Variants in PCDHA3 observed in about 807,000 individuals in gnomAD.
PCDHA3 encodes the protein protocadherin alpha 3, also known as protocadherin alpha-3.
A neutral mutation model predicts 62.2 loss-of-function variants in PCDHA3; 41 were observed. That is an observed-to-expected ratio of 0.66 (90% CI 0.51 to 0.86). The LOEUF is 0.86. Ranked by LOEUF, PCDHA3 falls within the 40% of genes least tolerant of loss-of-function variation. PCDHA3 has a pLI of 0.00. For missense variants in PCDHA3, 1,304 were observed against 1,241.2 expected (o/e 1.05, Z -0.76); for synonymous variants, 640 against 555.4 (o/e 1.15, Z -2.14).
At chr5:140,830,320 C>T (rs2150184888) in intron 1 of PCDHA3, 13 of 1,613,872 alleles carry the variant, frequency 8.1e-6, no homozygotes, top group African/African-American at 2.7e-5. Flanking sequence ...TGTGCTCCAG[C>T]GCAGTGGGGA....
intron 1 of PCDHA3, chr5:140,834,608 G>A (rs2150222869): frequency 6.2e-7 from 1 of 1,614,060 alleles, no homozygotes; most frequent in East Asian, 2.2e-5. Context: ...GGGATCTTCT[G>A]GAGGTAAATC....
At chr5:140,857,171 G>A in intron 1 of PCDHA3, 1 of 1,598,424 alleles carries the variant, frequency 6.3e-7, no homozygotes, top group South Asian at 1.1e-5. Flanking sequence ...CAGCGTTTCT[G>A]ACCATGATTC....
chr5:140,915,553 A>T (rs1317422262), intron 1 of PCDHA3, among the ~76,000 whole-genome samples: 1 of 152,156 alleles, frequency 6.6e-6, no homozygotes, highest in African/African-American at 2.4e-5. Context: ...AATAAGATCC[A>T]GAATGATTAT....
chr5:140,934,688 A>G (rs1554210048), intron 1 of PCDHA3, among the ~76,000 whole-genome samples: 2 of 152,186 alleles, frequency 1.3e-5, no homozygotes, highest in African/African-American at 4.8e-5. Flanking sequence ...CAAAACAATG[A>G]ATTGATTCCT....
At chr5:140,883,987 G>C (rs782597930) in intron 1 of PCDHA3, 4 of 1,612,956 alleles carry the variant, frequency 2.5e-6, no homozygotes, top group Admixed American at 1.7e-5. Context: ...CTGGCAGCGC[G>C]GGAGGCACAG....
In PCDHA3 at chr5:140,848,069, G is replaced by A. The variant is rs116084528; in HGVS notation, c.2394+44478G>A. 759 of 162,530 alleles carry A rather than the reference G, an allele frequency of 4.7e-3. 42 individuals are homozygous for A. The highest frequency in any genetic ancestry group is 0.017 in the African/African-American group (710 of 41,160). 10.1% of individuals were successfully genotyped at this position (162,530 alleles called of 1,614,324 possible). A position where few individuals can be genotyped will look rare whatever the true frequency, so the allele number is the denominator to read the frequency against. ...TTTTAATTGTTACTTCATTTCTGTC[G>A]TTATTTAAAACTTAAGTGGAGAGTT... On this transcript the variant is annotated intron_variant, in intron 1 of 3. Transcript: ENST00000522353.
At chr5:140,809,733 C>G (rs1252823667) in intron 1 of PCDHA3, 2 of 748,006 alleles carry the variant, frequency 2.7e-6, no homozygotes, top group African/African-American at 3.5e-5. Context: ...GACATCAGAG[C>G]AATATATATT....
At chr5:140,823,673 C>T (rs1767830997) in intron 1 of PCDHA3, 4 of 1,613,942 alleles carry the variant, frequency 2.5e-6, no homozygotes, top group Non-Finnish European at 3.4e-6. Flanking sequence ...ATCAGCACAA[C>T]ACGCTCTCTG....
rs2150345601 is a variant in PCDHA3 at position 140,842,829 on chromosome 5, C to G, written c.2394+39238C>G. Reference sequence around the variant, plus strand: ...GTGGAGCGGCGGGTGGGCGAGCGCTCGCTGTCGAGCTACATTTCGGTGCAC... The same window carrying G: ...GTGGAGCGGCGGGTGGGCGAGCGCTGGCTGTCGAGCTACATTTCGGTGCAC... On this transcript the variant is annotated intron_variant, in intron 1 of 3. Coordinates refer to ENST00000522353, the MANE Select transcript of PCDHA3 (RefSeq NM_018906.3). The G allele has an allele frequency of 8.8e-6, 14 of 1,593,636 alleles. 2 individuals are homozygous for G. The highest frequency in any genetic ancestry group is 1.1e-5 in the South Asian group (1 of 90,422).
intron 1 of PCDHA3, chr5:140,834,959 T>C (rs2150229473): frequency 6.6e-7 from 1 of 1,526,094 alleles, no homozygotes; most frequent in South Asian, 1.2e-5. Flanking sequence ...TAAAACCTCT[T>C]GGACTTGTAT....
intron 1 of PCDHA3, chr5:140,858,580 A>G (rs1374882572): frequency 8.9e-6 from 12 of 1,352,620 alleles, no homozygotes; most frequent in Middle Eastern, 2.1e-4. Context: ...CCTTTGTAAT[A>G]TAATTTATTC....
intron 1 of PCDHA3, among the ~76,000 whole-genome samples, chr5:140,938,949 G>A (rs943956831): frequency 6.6e-6 from 1 of 152,028 alleles, no homozygotes; most frequent in Non-Finnish European, 1.5e-5. Flanking sequence ...TTCTTATAAT[G>A]CTCTAGTCGG....
At chr5:140,820,237 T>A (rs2150106337) in intron 1 of PCDHA3, among the ~76,000 whole-genome samples, 8,891 of 152,012 alleles carry the variant, frequency 0.058, 861 homozygotes, top group African/African-American at 0.2. Flanking sequence ...ATAATAGAGA[T>A]AGTAAAAATC....
intron 1 of PCDHA3, chr5:140,851,319 T>C (rs1340345627): frequency 7.1e-6 from 7 of 992,898 alleles, no homozygotes; most frequent in Non-Finnish European, 8.6e-6. Flanking sequence ...GTTACCTTGT[T>C]AAGTTTGTAG....
At chr5:140,846,948 CA>C (rs1554141582) in intron 1 of PCDHA3, among the ~76,000 whole-genome samples, 1 of 149,468 alleles carries the variant, frequency 6.7e-6, no homozygotes, top group East Asian at 1.9e-4. Flanking sequence ...CTTGAAGGGG[CA>C]TGGTGTGTTT....
At chr5:140,883,466 A>G (rs782104317) in intron 1 of PCDHA3, 43 of 1,614,010 alleles carry the variant, frequency 2.7e-5, no homozygotes, top group Non-Finnish European at 3.5e-5. Context: ...GCTGGTGTCC[A>G]CCTACAAGAA....
At chr5:140,830,237 C>T (rs2150183295) in intron 1 of PCDHA3, 2 of 1,613,954 alleles carry the variant, frequency 1.2e-6, no homozygotes, top group Non-Finnish European at 1.7e-6. Context: ...CCTCACGCTA[C>T]TGCTGTACAC....
chr5:140,945,850 T>G (rs1472612975), intron 1 of PCDHA3, among the ~76,000 whole-genome samples: 1 of 152,102 alleles, frequency 6.6e-6, no homozygotes, highest in Non-Finnish European at 1.5e-5. Context: ...ATTAAAGACT[T>G]AAACATAGAC....
At chr5:140,859,972 C>A (rs949834053) in intron 1 of PCDHA3, 1 of 151,842 alleles carries the variant, frequency 6.6e-6, no homozygotes, top group South Asian at 2.1e-4. Flanking sequence ...CTCAGGTATA[C>A]AAGTGCATTA....
Sources: gnomAD v4.1 joint callset for allele counts (sites outside exome capture counted in the v4.1 genomes callset) on GRCh38, gnomAD v4.1.1 for gene constraint, MANE v1.5 for transcripts, NCBI Gene and HGNC (gene_info 2026-07-23, HGNC 2026-07-21) for gene names.